CHN2: variants seen among roughly 807,000 people sequenced by gnomAD.
CHN2 encodes the protein beta-chimaerin.
In CHN2, 35 loss-of-function variants were observed where a neutral mutation model predicts 56.3. That is an observed-to-expected ratio of 0.62 (90% CI 0.47 to 0.82). CHN2 has a LOEUF of 0.82. Among genes scored for constraint, CHN2 ranks in the 40% least tolerant of loss-of-function variants. The pLI is 0.00. For missense variants in CHN2, 491 were observed against 580.5 expected (o/e 0.85, Z 1.58); for synonymous variants, 210 against 212.8 (o/e 0.99, Z 0.12).
At chr7:29,164,639 C>T (rs548585109) in intron 2 of CHN2, among the ~76,000 whole-genome samples, 1 of 151,652 alleles carries the variant, frequency 6.6e-6, no homozygotes, top group South Asian at 2.1e-4. Flanking sequence ...AAATTAGCCA[C>T]GCGTGGTGGC....
intron 3 of CHN2, 91 bp downstream of exon 3, chr7:29,368,078 A>G (rs1799314220): frequency 9.5e-7 from 1 of 1,058,032 alleles, no homozygotes; most frequent in Non-Finnish European, 1.3e-6. Flanking sequence ...GTTTCCTGGG[A>G]GTTGATTTCT....
intron 6 of CHN2, among the ~76,000 whole-genome samples, chr7:29,421,059 C>G (rs934234318): frequency 6.6e-6 from 1 of 152,194 alleles, no homozygotes; most frequent in Non-Finnish European, 1.5e-5. Context: ...TTCCAAAGTG[C>G]TAGGATTACA....
intron 2 of CHN2, among the ~76,000 whole-genome samples, chr7:29,183,900 A>T (rs1798376681): frequency 6.6e-6 from 1 of 152,338 alleles, no homozygotes; most frequent in East Asian, 1.9e-4. Context: ...AACAACAATT[A>T]AAAATGATAC....
At chr7:29,426,871 C>G (rs966768633) in intron 6 of CHN2, among the ~76,000 whole-genome samples, 3 of 152,186 alleles carry the variant, frequency 2.0e-5, no homozygotes, top group Non-Finnish European at 4.4e-5. Flanking sequence ...CCGCTGGGGA[C>G]TGGCCATTGC....
At chr7:29,445,008 T>C (rs1264980946) in intron 6 of CHN2, 4 of 383,262 alleles carry the variant, frequency 1.0e-5, no homozygotes, top group Non-Finnish European at 2.0e-5. Flanking sequence ...CCTAGAGATC[T>C]GAGCAGAATG....
At chr7:29,474,076 A>G (rs540951672) in intron 6 of CHN2, among the ~76,000 whole-genome samples, 2 of 152,258 alleles carry the variant, frequency 1.3e-5, no homozygotes, top group East Asian at 3.9e-4. Flanking sequence ...TGTATTTTGA[A>G]TATATTTTGG....
intron 6 of CHN2, among the ~76,000 whole-genome samples, chr7:29,447,625 C>A (rs1180872784): frequency 6.6e-6 from 1 of 152,142 alleles, no homozygotes; most frequent in African/African-American, 2.4e-5. Flanking sequence ...ATACCCAGCA[C>A]ATCATAATCA....
At chr7:29,314,959 C>T (rs1425095736) in intron 1 of CHN2, among the ~76,000 whole-genome samples, 1 of 151,918 alleles carries the variant, frequency 6.6e-6, no homozygotes, top group Non-Finnish European at 1.5e-5. Context: ...ATTCCAAGTG[C>T]CACCAAATCC....
At chr7:29,455,486 A>G (rs542507403) in intron 6 of CHN2, among the ~76,000 whole-genome samples, 1 of 152,068 alleles carries the variant, frequency 6.6e-6, no homozygotes, top group East Asian at 1.9e-4. Flanking sequence ...TGGAACCAGA[A>G]CCCCGGTTTC....
intron 6 of CHN2, among the ~76,000 whole-genome samples, chr7:29,433,638 ACCAG>A (rs1042322149): frequency 6.6e-6 from 1 of 152,112 alleles, no homozygotes; most frequent in African/African-American, 2.4e-5. Flanking sequence ...GGAGTTCGAG[ACCAG>A]CCTGGACAAC....
At chr7:29,302,320 CTTCT>C (rs1252644488) in intron 1 of CHN2, among the ~76,000 whole-genome samples, 2 of 125,072 alleles carry the variant, frequency 1.6e-5, no homozygotes, top group Non-Finnish European at 3.3e-5. Flanking sequence ...TCCTTCCTTC[CTTCT>C]TTCTTCGTAT....
chr7:29,493,991 C>T (rs1788950037), intron 7 of CHN2, among the ~76,000 whole-genome samples: 1 of 152,216 alleles, frequency 6.6e-6, no homozygotes, highest in Admixed American at 6.5e-5. Context: ...CTACCTTCAG[C>T]TTCACTCCAA....
intron 6 of CHN2, among the ~76,000 whole-genome samples, chr7:29,463,124 T>C (rs1435265198): frequency 6.6e-6 from 1 of 151,994 alleles, no homozygotes; most frequent in Non-Finnish European, 1.5e-5. Context: ...TTGAGCATCA[T>C]TTTCATTAAT....
chr7:29,410,304 G>A (rs1331741553), intron 6 of CHN2, among the ~76,000 whole-genome samples: 1 of 151,948 alleles, frequency 6.6e-6, no homozygotes, highest in Non-Finnish European at 1.5e-5. Flanking sequence ...AAATTGAGCT[G>A]TTTTTGTCTT....
chr7:29,172,936 G>C (rs1346440995), intron 2 of CHN2, among the ~76,000 whole-genome samples: 1 of 152,030 alleles, frequency 6.6e-6, no homozygotes, highest in African/African-American at 2.4e-5. Flanking sequence ...TTTGAGACCA[G>C]CGTGGCCAGT....
intron 1 of CHN2, among the ~76,000 whole-genome samples, chr7:29,318,535 GAGAC>G (rs1795119861): frequency 6.6e-6 from 1 of 152,192 alleles, no homozygotes; most frequent in Non-Finnish European, 1.5e-5. Flanking sequence ...AGAGTGAGAA[GAGAC>G]AAGGGCAAGG....
chr7:29,232,430 ACT>A (rs368453130), intron 1 of CHN2, among the ~76,000 whole-genome samples: 90 of 152,100 alleles, frequency 5.9e-4, no homozygotes, highest in African/African-American at 2.1e-3. Flanking sequence ...TCAGTAAATT[ACT>A]CTCCTGGAGT....
In CHN2 at chr7:29,512,806, T is replaced by C; in HGVS notation, c.*71T>C. ...ACACAGCTAAAGGAATAAAAACATT[T>C]CTTACCACTTGATTTGTTTTCCAAG... is the stretch of plus-strand genomic sequence containing the variant. On this transcript the variant is annotated 3_prime_UTR_variant, in exon 13 of 13. Coordinates refer to ENST00000222792, the MANE Select transcript of CHN2 (RefSeq NM_004067.4). The C allele has an allele frequency of 6.7e-7, 1 of 1,490,142 alleles. No homozygotes were observed. Among genetic ancestry groups the C allele is most frequent in the South Asian group, 1.3e-5 (1 of 76,772 alleles). 92.3% of individuals were successfully genotyped at this position (1,490,142 alleles called of 1,614,324 possible).
chr7:29,423,241 C>T (rs902918625), intron 6 of CHN2, among the ~76,000 whole-genome samples: 12 of 152,218 alleles, frequency 7.9e-5, no homozygotes, highest in African/African-American at 2.9e-4. Flanking sequence ...TCTCCCCTGA[C>T]AATCAGTGGG....
Sources: gnomAD v4.1 joint callset for allele counts (sites outside exome capture counted in the v4.1 genomes callset) on GRCh38, gnomAD v4.1.1 for gene constraint, MANE v1.5 for transcripts, NCBI Gene and HGNC (gene_info 2026-07-23, HGNC 2026-07-21) for gene names.